The following ABHD17C variants were observed in gnomAD, a reference collection of about 807,000 sequenced individuals.
The protein encoded by ABHD17C is alpha/beta hydrolase domain-containing protein 17C.
A neutral mutation model predicts 27.9 loss-of-function variants in ABHD17C; 11 were observed. The observed-to-expected ratio is 0.39, with a 90% confidence interval of 0.25 to 0.65. The LOEUF is 0.65. ABHD17C is among the 30% of genes least tolerant of loss of function. ABHD17C has a pLI of 0.45. For missense variants in ABHD17C, 280 were observed against 470.2 expected (o/e 0.60, Z 3.74); for synonymous variants, 233 against 209.1 (o/e 1.11, Z -0.98).
intron 1 of ABHD17C, among the ~76,000 whole-genome samples, chr15:80,706,186 G>A (rs1403301879): frequency 3.3e-5 from 5 of 152,186 alleles, no homozygotes; most frequent in Non-Finnish European, 5.9e-5. Context: ...ATAATGCCTT[G>A]TACCTCAGAT....
At chr15:80,701,098 G>T (rs968896370) in intron 1 of ABHD17C, among the ~76,000 whole-genome samples, 2 of 152,132 alleles carry the variant, frequency 1.3e-5, no homozygotes, top group African/African-American at 4.8e-5. Flanking sequence ...TTTTGTGTCG[G>T]TGATTCACAG....
chr15:80,707,585 C>CA (rs1894665557), intron 1 of ABHD17C, among the ~76,000 whole-genome samples: 1 of 151,412 alleles, frequency 6.6e-6, no homozygotes, highest in South Asian at 2.1e-4. Flanking sequence ...AAAAAAAACG[C>CA]AAAAAATCTC....
intron 1 of ABHD17C, among the ~76,000 whole-genome samples, chr15:80,725,865 C>T (rs2141506516): frequency 6.6e-6 from 1 of 152,108 alleles, no homozygotes; most frequent in African/African-American, 2.4e-5. Flanking sequence ...TGTTGCTGTG[C>T]TGAGACCAGC....
chr15:80,705,291 C>A (rs909703877), intron 1 of ABHD17C, among the ~76,000 whole-genome samples: 3 of 140,532 alleles, frequency 2.1e-5, no homozygotes, highest in African/African-American at 7.9e-5. Context: ...TCAAGGGTAA[C>A]CTGGGGAGAA....
At chr15:80,727,157 TTGA>T (rs1192990025) in intron 1 of ABHD17C, among the ~76,000 whole-genome samples, 1 of 152,250 alleles carries the variant, frequency 6.6e-6, no homozygotes, top group Non-Finnish European at 1.5e-5. Context: ...AGACCTGACC[TTGA>T]TGTCTTTTCC....
chr15:80,719,461 A>G (rs982996876), intron 1 of ABHD17C, among the ~76,000 whole-genome samples: 1 of 152,202 alleles, frequency 6.6e-6, no homozygotes, highest in East Asian at 1.9e-4. Context: ...CTGTCAGCCT[A>G]ACTTTTACTA....
chr15:80,729,350 A>T (rs1239636834), intron 1 of ABHD17C, among the ~76,000 whole-genome samples: 3 of 152,238 alleles, frequency 2.0e-5, no homozygotes, highest in African/African-American at 7.2e-5. Flanking sequence ...AGTGAATATG[A>T]AATCTTAATA....
At chr15:80,739,505 A>AT (rs1250421293) in intron 1 of ABHD17C, among the ~76,000 whole-genome samples, 1 of 152,154 alleles carries the variant, frequency 6.6e-6, no homozygotes, top group Non-Finnish European at 1.5e-5. Context: ...TGGATCCCTC[A>AT]TGAATGGCTT....
At chr15:80,708,864 T>C (rs1187762574) in intron 1 of ABHD17C, among the ~76,000 whole-genome samples, 1 of 152,144 alleles carries the variant, frequency 6.6e-6, no homozygotes, top group African/African-American at 2.4e-5. Flanking sequence ...TCTGAGAGAA[T>C]AGTTGTGGAG....
At chr15:80,716,235 G>A (rs568696872) in intron 1 of ABHD17C, among the ~76,000 whole-genome samples, 15 of 152,272 alleles carry the variant, frequency 9.9e-5, no homozygotes, top group South Asian at 2.1e-4. Context: ...GGAGATGTGC[G>A]TACTCCAGGG....
At chr15:80,754,009 C>T in intron 2 of ABHD17C, 142 bp from the exon 3 acceptor site, 1 of 701,554 alleles carries the variant, frequency 1.4e-6, no homozygotes. Flanking sequence ...AATTTAAAAA[C>T]AAAACAAAAC....
intron 1 of ABHD17C, among the ~76,000 whole-genome samples, chr15:80,710,574 C>CGGTGGTG (rs1184599304): frequency 2.0e-5 from 3 of 151,974 alleles, no homozygotes; most frequent in Non-Finnish European, 4.4e-5. Context: ...TTAGCAACAG[C>CGGTGGTG]GGTGGTGAGA....
In ABHD17C at chr15:80,731,648, T is replaced by G. The variant is rs1181775424; in HGVS notation, c.591-17865T>G. On this transcript the variant is annotated intron_variant, in intron 1 of 2. Coordinates refer to ENST00000258884, the MANE Select transcript of ABHD17C (RefSeq NM_021214.2). ...TGTAAAAGTATTAGTGACACGTATA[T>G]TTTTATAATCTTTTTTTTTTTTGCA... 2.1e-5 allele frequency among the ~76,000 whole-genome samples: 3 copies of G among 145,532 alleles called. No homozygotes were observed. The Admixed American group carries it at 2.1e-4, about 10-fold the overall frequency.
At chr15:80,697,845 G>A (rs930755777) in intron 1 of ABHD17C, among the ~76,000 whole-genome samples, 1 of 152,114 alleles carries the variant, frequency 6.6e-6, no homozygotes, top group Admixed American at 6.6e-5. Flanking sequence ...GAATTTGAAG[G>A]CTGCATGCGA....
chr15:80,723,132 GTA>G (rs71894538), intron 1 of ABHD17C, among the ~76,000 whole-genome samples: 14,277 of 103,128 alleles, frequency 0.14, 1,231 homozygotes, highest in East Asian at 0.55. Context: ...TTGTGTGTGT[GTA>G]TATATGTGTG....
chr15:80,736,082 G>A (rs1357852349), intron 1 of ABHD17C, among the ~76,000 whole-genome samples: 1 of 152,012 alleles, frequency 6.6e-6, no homozygotes, highest in African/African-American at 2.4e-5. Context: ...TTAAAAATTA[G>A]AAAAAGGAAA....
chr15:80,745,981 G>T (rs1161398109), intron 1 of ABHD17C, among the ~76,000 whole-genome samples: 1 of 151,878 alleles, frequency 6.6e-6, no homozygotes, highest in African/African-American at 2.4e-5. Context: ...TAGGTTCCTG[G>T]GTATGTGCTA....
rs187350899 is a variant in ABHD17C at position 80,701,657 on chromosome 15, C to A, written c.590+5638C>A. On this transcript the variant is annotated intron_variant, in intron 1 of 2. Coordinates refer to ENST00000258884, the MANE Select transcript of ABHD17C (RefSeq NM_021214.2). The stretch of plus-strand genomic sequence containing the variant: ...TTATGCCACTGCACTCCAGCCTGGG[C>A]GACAGAGCGAGACTCCATCTCAAAA... Among the ~76,000 whole-genome samples, 323 of 146,398 alleles carry A rather than the reference C, an allele frequency of 2.2e-3. 3 individuals are homozygous for A. The highest frequency in any genetic ancestry group is 0.02 in the Admixed American group (286 of 14,436).
chr15:80,714,892 T>C (rs1226098684), intron 1 of ABHD17C, among the ~76,000 whole-genome samples: 1 of 152,206 alleles, frequency 6.6e-6, no homozygotes, highest in Non-Finnish European at 1.5e-5. Context: ...TGCTTAGAAA[T>C]TGCAGTCTTT....
Sources: allele counts gnomAD v4.1 joint callset (sites outside exome capture counted in the v4.1 genomes callset), GRCh38; gene constraint gnomAD v4.1.1; transcripts MANE v1.5; gene names NCBI Gene and HGNC (gene_info 2026-07-23, HGNC 2026-07-21).